The following NKAIN2 variants were observed in gnomAD, a reference collection of about 807,000 sequenced individuals.
NKAIN2 encodes sodium/potassium-transporting ATPase subunit beta-1-interacting protein 2.
In NKAIN2, 14 loss-of-function variants were observed where a neutral mutation model predicts 32.6. The ratio of observed to expected loss-of-function variants is 0.43; its 90% confidence interval spans 0.28 to 0.67. The LOEUF is 0.67. Among genes scored for constraint, NKAIN2 ranks in the 30% least tolerant of loss-of-function variants. NKAIN2 has a pLI of 0.17. For missense variants in NKAIN2, 198 were observed against 258.3 expected (o/e 0.77, Z 1.60); for synonymous variants, 80 against 87.2 (o/e 0.92, Z 0.46).
chr6:124,071,087 C>A (rs1783441762), intron 1 of NKAIN2, among the ~76,000 whole-genome samples: 1 of 151,988 alleles, frequency 6.6e-6, no homozygotes, highest in African/African-American at 2.4e-5. Flanking sequence ...ATCAATGGAA[C>A]AAAAGCTCAC....
chr6:124,400,965 G>A (rs906384105), intron 3 of NKAIN2, among the ~76,000 whole-genome samples: 4 of 152,078 alleles, frequency 2.6e-5, no homozygotes, highest in Admixed American at 2.6e-4. Flanking sequence ...TAAAAATTAT[G>A]TAAATGGAAT....
chr6:124,617,555 A>G (rs1222065773), intron 3 of NKAIN2, among the ~76,000 whole-genome samples: 3 of 152,174 alleles, frequency 2.0e-5, no homozygotes, highest in African/African-American at 7.2e-5. Flanking sequence ...TTATGCATCT[A>G]TCAGGTTCCA....
intron 1 of NKAIN2, among the ~76,000 whole-genome samples, chr6:123,898,295 T>C (rs889985683): frequency 5.9e-5 from 9 of 152,200 alleles, no homozygotes; most frequent in Non-Finnish European, 1.2e-4. Flanking sequence ...TCCTGGCCCA[T>C]TAAAAAAATA....
At chr6:123,967,999 C>T (rs1778169473) in intron 1 of NKAIN2, among the ~76,000 whole-genome samples, 1 of 152,122 alleles carries the variant, frequency 6.6e-6, no homozygotes, top group Admixed American at 6.5e-5. Context: ...ATGATGAGTT[C>T]TGGATGCATA....
chr6:123,825,768 G>A (rs9401702), intron 1 of NKAIN2, among the ~76,000 whole-genome samples: 18,285 of 152,068 alleles, frequency 0.12, 1,887 homozygotes, highest in East Asian at 0.56. Flanking sequence ...TGTGTGTTTA[G>A]AGATTTCCTT....
intron 1 of NKAIN2, among the ~76,000 whole-genome samples, chr6:124,221,829 C>T (rs573187439): frequency 7.2e-4 from 110 of 152,202 alleles, no homozygotes; most frequent in Non-Finnish European, 1.3e-3. Context: ...TGCCACTATA[C>T]TTATTTAAAA....
At chr6:123,998,677 T>C (rs981846050) in intron 1 of NKAIN2, among the ~76,000 whole-genome samples, 3 of 151,830 alleles carry the variant, frequency 2.0e-5, no homozygotes, top group African/African-American at 7.3e-5. Context: ...AGTCAAGATA[T>C]GGAAACACCC....
At chr6:124,251,116 AAACAT>A (rs1277888638) in intron 1 of NKAIN2, among the ~76,000 whole-genome samples, 7 of 152,068 alleles carry the variant, frequency 4.6e-5, no homozygotes, top group Non-Finnish European at 1.0e-4. Context: ...GAGAACTAGA[AAACAT>A]AAAATAAGTT....
chr6:123,900,506 G>A (rs529333252), intron 1 of NKAIN2, among the ~76,000 whole-genome samples: 13 of 129,416 alleles, frequency 1.0e-4, no homozygotes, highest in Non-Finnish European at 1.1e-4. Flanking sequence ...AAAGAAAAAC[G>A]GGCAAGGTTT....
chr6:124,726,260 CAG>C (rs1776299793), intron 4 of NKAIN2, among the ~76,000 whole-genome samples: 2 of 28,910 alleles, frequency 6.9e-5, no homozygotes, highest in African/African-American at 2.8e-4. Context: ...GGGCAGGGCA[CAG>C]ACAAACAAAA....
chr6:124,448,374 G>A (rs1775976807), intron 3 of NKAIN2, among the ~76,000 whole-genome samples: 1 of 152,100 alleles, frequency 6.6e-6, no homozygotes, highest in African/African-American at 2.4e-5. Context: ...AAATGAATTT[G>A]CATTGAAATT....
rs567381966 is a variant in NKAIN2 at position 124,161,284 on chromosome 6, A to G, written c.55-121721A>G. Among the ~76,000 whole-genome samples, 3 of 152,108 alleles carry G rather than the reference A, an allele frequency of 2.0e-5. No individual in the cohort carries two copies. In the East Asian group the frequency reaches 5.8e-4, roughly 30 times the overall value. On this transcript the variant is annotated intron_variant, in intron 1 of 6. Transcript: ENST00000368417. ...AGAGAGTGATAAGGGGAGGTGCTAC[A>G]CACTTTTGAACAACCAGAGCTCATG...
At chr6:124,093,269 A>T (rs1482946671) in intron 1 of NKAIN2, among the ~76,000 whole-genome samples, 1 of 152,090 alleles carries the variant, frequency 6.6e-6, no homozygotes, top group Admixed American at 6.6e-5. Flanking sequence ...GCAGTTACGG[A>T]GAATCAGTTT....
At chr6:124,474,862 T>TTATGTACATATATAA (rs1554213582) in intron 3 of NKAIN2, among the ~76,000 whole-genome samples, 2 of 139,452 alleles carry the variant, frequency 1.4e-5, no homozygotes, top group Non-Finnish European at 3.1e-5. Context: ...CATATATATT[T>TTATGTACATATATAA]TATATACATA....
intron 4 of NKAIN2, among the ~76,000 whole-genome samples, chr6:124,753,821 T>C (rs1017663841): frequency 9.9e-5 from 15 of 151,892 alleles, no homozygotes; most frequent in Non-Finnish European, 1.6e-4. Context: ...CACAGAAAAA[T>C]TCATGATGTC....
intron 1 of NKAIN2, among the ~76,000 whole-genome samples, chr6:123,969,371 A>AT (rs1323937294): frequency 6.6e-6 from 1 of 152,186 alleles, no homozygotes; most frequent in African/African-American, 2.4e-5. Flanking sequence ...AATAAACATG[A>AT]TTGTGAAGAG....
intron 1 of NKAIN2, among the ~76,000 whole-genome samples, chr6:124,062,921 G>A (rs996989603): frequency 2.0e-5 from 3 of 152,076 alleles, no homozygotes; most frequent in Non-Finnish European, 2.9e-5. Context: ...CAGGCTGGGC[G>A]CGGTGGCTCA....
At chr6:124,046,373 A>C (rs372975549) in intron 1 of NKAIN2, among the ~76,000 whole-genome samples, 1 of 151,970 alleles carries the variant, frequency 6.6e-6, no homozygotes, top group Non-Finnish European at 1.5e-5. Flanking sequence ...GGATTCCATA[A>C]TTAAACAAAT....
At chr6:124,732,146 A>G (rs1031023569) in intron 4 of NKAIN2, among the ~76,000 whole-genome samples, 1 of 152,026 alleles carries the variant, frequency 6.6e-6, no homozygotes, top group Admixed American at 6.6e-5. Flanking sequence ...AAAAAAAATC[A>G]TCTTTGCCTG....
Sources: gnomAD v4.1 joint callset for allele counts (sites outside exome capture counted in the v4.1 genomes callset) on GRCh38, gnomAD v4.1.1 for gene constraint, MANE v1.5 for transcripts, NCBI Gene and HGNC (gene_info 2026-07-23, HGNC 2026-07-21) for gene names.